The following MALL variants were observed in gnomAD, a reference collection of about 807,000 sequenced individuals.
MALL encodes MAL-like protein.
In MALL, 2 loss-of-function variants were observed where a neutral mutation model predicts 10.3. The observed-to-expected ratio is 0.19, with a 90% CI of 0.08 to 0.61. The LOEUF (loss-of-function observed/expected upper bound fraction) is 0.61, where lower values mean the gene tolerates loss of function less well. Ranked by LOEUF, MALL falls within the 20% of genes least tolerant of loss-of-function variation. The pLI is 0.88. For synonymous variants in MALL, 27 were observed against 51.8 expected, an observed-to-expected ratio of 0.52 and a Z score of 2.05; for missense variants, 39 against 115.2, an observed-to-expected ratio of 0.34 and a Z score of 3.03.
At chr2:110,103,846 G>C (rs1054684083) in intron 1 of MALL, among the ~76,000 whole-genome samples, 3 of 152,196 alleles carry the variant, frequency 2.0e-5, no homozygotes, top group Non-Finnish European at 4.4e-5. Flanking sequence ...AGGGCTGGAA[G>C]TTCAGACAGG....
At position 110,115,719 on chromosome 2, in the gene MALL, G is replaced by C; in HGVS notation, c.74C>G (p.Thr25Ser). Reference sequence around the variant, plus strand: ...GGGCAGGAAGAAGGCGAAAGGGATGGTGAGGAACAGCGCGACCCCCGAGGG... The same window carrying C: ...GGGCAGGAAGAAGGCGAAAGGGATGCTGAGGAACAGCGCGACCCCCGAGGG... ...DVPSGVALFL[T>S]IPFAFFLPEL... Residue 25 changes from threonine (T) to serine (S), a missense_variant, in exon 1 of 4, where the codon ACC becomes AGC. Physicochemically the swap from Thr to Ser is moderately conservative, Grantham distance 58. This residue lies in a region of MALL where 39 missense variants were observed against 48.0 expected (regional missense o/e 0.81). Coordinates refer to ENST00000272462, the MANE Select transcript of MALL (RefSeq NM_005434.5). The C allele has an allele frequency of 7.7e-7, 1 of 1,292,598 alleles. No homozygotes were observed. The highest frequency in any genetic ancestry group is 9.9e-7 in the Non-Finnish European group (1 of 1,012,864). 80.1% of individuals were successfully genotyped at this position (1,292,598 alleles called of 1,614,324 possible). A position where few individuals can be genotyped will look rare whatever the true frequency, so the allele number is the denominator to read the frequency against.
chr2:110,101,485 A>G (rs568911640), intron 1 of MALL, among the ~76,000 whole-genome samples: 28 of 152,228 alleles, frequency 1.8e-4, no homozygotes, highest in African/African-American at 6.5e-4. Context: ...TGTTGGCAGG[A>G]ACTTCCATCC....
intron 1 of MALL, among the ~76,000 whole-genome samples, chr2:110,096,340 T>G (rs908681424): frequency 6.6e-6 from 1 of 152,164 alleles, no homozygotes; most frequent in African/African-American, 2.4e-5. Context: ...ATCCCAGCTC[T>G]GCCTGGTGGG....
At chr2:110,109,095 G>A (rs1455319958) in intron 1 of MALL, among the ~76,000 whole-genome samples, 2 of 152,074 alleles carry the variant, frequency 1.3e-5, no homozygotes, top group Admixed American at 6.5e-5. Flanking sequence ...CCTCTTTAAA[G>A]CATAAATCAC....
chr2:110,092,379 GTTTTTTA>G (rs1213100470), intron 1 of MALL, among the ~76,000 whole-genome samples: 1 of 21,138 alleles, frequency 4.7e-5, no homozygotes, highest in African/African-American at 1.3e-4. Flanking sequence ...CCTCTGTAAA[GTTTTTTA>G]TTTTTTAATC....
intron 1 of MALL, among the ~76,000 whole-genome samples, chr2:110,107,051 G>A (rs371909962): frequency 6.7e-6 from 1 of 149,080 alleles, no homozygotes; most frequent in East Asian, 2.0e-4. Flanking sequence ...GGTTTTCAGG[G>A]GTTTGTTCAG....
upstream of MALL, among the ~76,000 whole-genome samples, chr2:110,117,100 C>T (rs1031582160): frequency 6.6e-6 from 1 of 152,120 alleles, no homozygotes; most frequent in Non-Finnish European, 1.5e-5. Context: ...GATCTCAAAC[C>T]AGACTGATCA....
intron 1 of MALL, among the ~76,000 whole-genome samples, chr2:110,108,916 CAAGA>C (rs1264416271): frequency 2.0e-5 from 3 of 152,084 alleles, no homozygotes; most frequent in African/African-American, 7.2e-5. Context: ...AATTATCAGC[CAAGA>C]ATTTCATATC....
At chr2:110,106,723 T>A (rs1678704571) in intron 1 of MALL, among the ~76,000 whole-genome samples, 1 of 152,140 alleles carries the variant, frequency 6.6e-6, no homozygotes, top group Non-Finnish European at 1.5e-5. Context: ...GCATTTTCCC[T>A]GGAGAACTGA....
chr2:110,117,477 A>T (rs960505984), upstream of MALL, among the ~76,000 whole-genome samples: 4 of 152,036 alleles, frequency 2.6e-5, no homozygotes, highest in African/African-American at 9.7e-5. Flanking sequence ...AGCAATTAGT[A>T]TATTAAGAAA....
chr2:110,116,049 A>G, upstream of MALL: 1 of 369,508 alleles, frequency 2.7e-6, no homozygotes, highest in East Asian at 3.9e-5. Flanking sequence ...CTCCTCCTAG[A>G]CCTTTCCAGC....
At chr2:110,095,594 A>G (rs191063854) in intron 1 of MALL, among the ~76,000 whole-genome samples, 11 of 152,292 alleles carry the variant, frequency 7.2e-5, no homozygotes, top group Non-Finnish European at 1.5e-5. Context: ...CAACTAAAAA[A>G]AAATATTGTC....
chr2:110,102,263 G>C (rs774711667), intron 1 of MALL, among the ~76,000 whole-genome samples: 1 of 152,128 alleles, frequency 6.6e-6, no homozygotes, highest in Non-Finnish European at 1.5e-5. Flanking sequence ...TCTATGACTA[G>C]ACCCTGAAAG....
chr2:110,109,588 G>A (rs1336228635), intron 1 of MALL, among the ~76,000 whole-genome samples: 1 of 151,948 alleles, frequency 6.6e-6, no homozygotes, highest in African/African-American at 2.4e-5. Context: ...GAGATAGAAA[G>A]CAACACAATA....
At chr2:110,096,986 T>C (rs1678455518) in intron 1 of MALL, among the ~76,000 whole-genome samples, 1 of 152,016 alleles carries the variant, frequency 6.6e-6, no homozygotes, top group South Asian at 2.1e-4. Flanking sequence ...TATTGCAGCC[T>C]GTTGATTACA....
upstream of MALL, chr2:110,116,253 G>C (rs553096702): frequency 1.9e-5 from 3 of 155,820 alleles, no homozygotes; most frequent in South Asian, 6.2e-4. Flanking sequence ...CCTTTTCCAA[G>C]TGAGGAGACT....
intron 1 of MALL, among the ~76,000 whole-genome samples, chr2:110,095,461 G>T (rs911540477): frequency 1.3e-5 from 2 of 152,072 alleles, no homozygotes; most frequent in South Asian, 4.1e-4. Context: ...AACTTGAAAG[G>T]ACGTCTTAAG....
At chr2:110,111,460 C>G (rs192318738) in intron 1 of MALL, among the ~76,000 whole-genome samples, 17 of 152,086 alleles carry the variant, frequency 1.1e-4, no homozygotes, top group South Asian at 8.3e-4. Flanking sequence ...AGAGCTCAAC[C>G]CCTTTCATGA....
chr2:110,099,820 G>C (rs899652784), intron 1 of MALL, among the ~76,000 whole-genome samples: 1 of 152,114 alleles, frequency 6.6e-6, no homozygotes, highest in African/African-American at 2.4e-5. Flanking sequence ...TGAAATGGAG[G>C]AGGAGAAAGA....
Sources: allele counts gnomAD v4.1 joint callset (sites outside exome capture counted in the v4.1 genomes callset), GRCh38; gene constraint gnomAD v4.1.1; regional missense constraint gnomAD v4.1.1; transcripts MANE v1.5; gene names NCBI Gene and HGNC (gene_info 2026-07-23, HGNC 2026-07-21).